The following VWA3B variants were observed in gnomAD, a reference collection of about 807,000 sequenced individuals.
VWA3B encodes the protein von Willebrand factor A domain containing 3B, also known as von Willebrand factor A domain-containing protein 3B.
VWA3B carries 138 observed loss-of-function variants against 158.3 expected under a neutral mutation model. The observed-to-expected ratio is 0.87, with a 90% CI of 0.76 to 1.00. The LOEUF (loss-of-function observed/expected upper bound fraction) is 1.00. Among genes scored for constraint, VWA3B ranks in the 50% least tolerant of loss-of-function variants. The pLI is 0.00. For synonymous variants in VWA3B, 596 were observed against 587.3 expected (o/e 1.01, Z -0.21); for missense variants, 1,555 against 1,565.1 (o/e 0.99, Z 0.11).
intron 6 of VWA3B, among the ~76,000 whole-genome samples, chr2:98,131,186 A>G (rs1386602258): frequency 3.3e-5 from 5 of 152,140 alleles, no homozygotes; most frequent in African/African-American, 1.2e-4. Context: ...CCTCCTACCC[A>G]TGAGTGAGAA....
At chr2:98,267,850 A>G (rs1430767746) in intron 21 of VWA3B, among the ~76,000 whole-genome samples, 1 of 152,162 alleles carries the variant, frequency 6.6e-6, no homozygotes, top group Non-Finnish European at 1.5e-5. Context: ...AAAAATGGTA[A>G]GGGGGATATC....
chr2:98,211,971 T>C lies in VWA3B; in HGVS notation c.1779T>C (p.Ala593=). The change falls in exon 13 of 28, where the codon GCT becomes GCC. Residue 593 remains alanine (A), a synonymous_variant. Coordinates refer to ENST00000477737, the MANE Select transcript of VWA3B (RefSeq NM_144992.5). ...ACACCCTGAGTGCCCTGAAAACTGC[T>C]TTTGCTGATAAAGAAACACAGGCAA... ...STNTLSALKT[A]FADKETQAIY... is the part of the protein sequence containing the mutation. 6.2e-7 allele frequency: 1 copy of C among 1,614,184 alleles called. No individual in the cohort carries two copies. Among genetic ancestry groups the C allele is most frequent in the Non-Finnish European group, 8.5e-7 (1 of 1,180,028 alleles).
At chr2:98,180,175 CTCTTTCTTTCTG>C (rs1680442083) in intron 8 of VWA3B, among the ~76,000 whole-genome samples, 1 of 138,454 alleles carries the variant, frequency 7.2e-6, no homozygotes, top group African/African-American at 2.6e-5. Flanking sequence ...TTCTCTCTCT[CTCTTTCTTTCTG>C]TCTTTCTTTC....
intron 8 of VWA3B, among the ~76,000 whole-genome samples, chr2:98,176,643 T>G (rs1337572099): frequency 6.6e-6 from 1 of 152,162 alleles, no homozygotes; most frequent in Non-Finnish European, 1.5e-5. Context: ...TCACAGGGGT[T>G]ATGGTCTCTC....
chr2:98,127,518 G>T (rs377600648), intron 5 of VWA3B, among the ~76,000 whole-genome samples: 2 of 145,290 alleles, frequency 1.4e-5, no homozygotes, highest in Admixed American at 1.5e-4. Context: ...ACTTCTCTGG[G>T]ATTGTCTGCT....
intron 7 of VWA3B, among the ~76,000 whole-genome samples, chr2:98,139,109 C>A (rs996861264): frequency 6.6e-6 from 1 of 152,220 alleles, no homozygotes; most frequent in African/African-American, 2.4e-5. Flanking sequence ...AGCCGGCCGG[C>A]CCTGCCGGCC....
chr2:98,312,462 G>C lies in VWA3B; in HGVS notation c.*113G>C. The C allele has an allele frequency of 1.5e-6, 2 of 1,316,290 alleles. No homozygotes were observed. The highest frequency in any genetic ancestry group is 2.0e-6 in the Non-Finnish European group (2 of 979,284). 81.5% of individuals were successfully genotyped at this position (1,316,290 alleles called of 1,614,324 possible). On this transcript the variant is annotated 3_prime_UTR_variant, in exon 28 of 28. Coordinates refer to ENST00000477737, the MANE Select transcript of VWA3B (RefSeq NM_144992.5). ...CGGAGGTAAGGCCGCCCTCCGCGCC[G>C]CCTATGCCTGCCCTGTCTGTAGCAA...
Position 98,300,090 on chromosome 2 carries a change from T to C in VWA3B, c.3294T>C (p.Tyr1098=), listed in dbSNP as rs1432937472. Residue 1098 remains tyrosine, a synonymous_variant, in exon 25 of 28, where the codon TAT becomes TAC. Coordinates refer to ENST00000477737, the MANE Select transcript of VWA3B (RefSeq NM_144992.5). ...MPCPLLQVGD[Y]VFAKIVIPKG... ...GTTCTCCTCTGCAGGTTGGAGATTA[T>C]GTGTTTGCCAAAATTGTGATACCCA... The C allele has an allele frequency of 4.3e-6, 7 of 1,614,148 alleles. No individual in the cohort carries two copies. The African/African-American group carries it at 5.3e-5, about 12-fold the overall frequency.
chr2:98,160,480 C>T (rs997361704), intron 7 of VWA3B, among the ~76,000 whole-genome samples: 15 of 152,158 alleles, frequency 9.9e-5, no homozygotes, highest in Non-Finnish European at 2.9e-5. Flanking sequence ...GAGCACGTCC[C>T]GGTCACTGCT....
At chr2:98,208,617 G>T (rs541521676) in intron 12 of VWA3B, among the ~76,000 whole-genome samples, 1 of 152,128 alleles carries the variant, frequency 6.6e-6, no homozygotes, top group African/African-American at 2.4e-5. Flanking sequence ...CAGCCTATTG[G>T]TGGTTTGCTA....
chr2:98,322,315 C>A, the VWA3B span, among the ~76,000 whole-genome samples: 2 of 152,120 alleles, frequency 1.3e-5, no homozygotes, highest in African/African-American at 4.8e-5. Context: ...GAGGGCACTC[C>A]CCAACTTTCA....
intron 7 of VWA3B, among the ~76,000 whole-genome samples, chr2:98,148,649 AT>A (rs1228324647): frequency 6.6e-6 from 1 of 152,138 alleles, no homozygotes; most frequent in African/African-American, 2.4e-5. Flanking sequence ...TTCTAGATTT[AT>A]TTTGAAGTAT....
the VWA3B span, among the ~76,000 whole-genome samples, chr2:98,329,995 T>C: frequency 6.6e-6 from 1 of 152,176 alleles, no homozygotes; most frequent in Non-Finnish European, 1.5e-5. Context: ...CCAGAGAGGC[T>C]GACTCCATCT....
chr2:98,197,068 T>C (rs892100826), intron 12 of VWA3B, among the ~76,000 whole-genome samples: 3 of 152,224 alleles, frequency 2.0e-5, no homozygotes, highest in Non-Finnish European at 4.4e-5. Context: ...GCCAAGGATC[T>C]CACATGACAT....
chr2:98,119,916 C>G (rs1342983628), intron 4 of VWA3B, among the ~76,000 whole-genome samples, 153 bp downstream of exon 4: 1 of 152,178 alleles, frequency 6.6e-6, no homozygotes, highest in African/African-American at 2.4e-5. Flanking sequence ...CAGCAGCAAT[C>G]CCACAGTGAA....
At chr2:98,117,016 A>C (rs1674587396) in intron 3 of VWA3B, among the ~76,000 whole-genome samples, 1 of 152,120 alleles carries the variant, frequency 6.6e-6, no homozygotes, top group South Asian at 2.1e-4. Flanking sequence ...CAATTCTTGG[A>C]TTATTTTACC....
At chr2:98,103,054 C>G (rs1006892703) in intron 2 of VWA3B, among the ~76,000 whole-genome samples, 1 of 152,170 alleles carries the variant, frequency 6.6e-6, no homozygotes, top group African/African-American at 2.4e-5. Context: ...ATAATATGCC[C>G]TTAACAGCCT....
chr2:98,115,243 A>G (rs566288617), intron 2 of VWA3B, among the ~76,000 whole-genome samples: 1 of 152,112 alleles, frequency 6.6e-6, no homozygotes, highest in African/African-American at 2.4e-5. Context: ...GAATTGAACA[A>G]TGAGAACACT....
chr2:98,177,805 G>A (rs1282730798), intron 8 of VWA3B, among the ~76,000 whole-genome samples: 1 of 152,088 alleles, frequency 6.6e-6, no homozygotes, highest in Non-Finnish European at 1.5e-5. Context: ...GGATTGGTTC[G>A]AATGTGTTTT....
Sources: gnomAD v4.1 joint callset for allele counts (sites outside exome capture counted in the v4.1 genomes callset) on GRCh38, gnomAD v4.1.1 for gene constraint, MANE v1.5 for transcripts, NCBI Gene and HGNC (gene_info 2026-07-23, HGNC 2026-07-21) for gene names.